Variants in KIAA1671 observed in about 807,000 individuals in gnomAD.
KIAA1671 encodes the protein KIAA1671.
A neutral mutation model predicts 131.2 loss-of-function variants in KIAA1671; 52 were observed. That is an observed-to-expected ratio of 0.40 (90% CI 0.32 to 0.50). The LOEUF (loss-of-function observed/expected upper bound fraction) is 0.50. Ranked by LOEUF, KIAA1671 falls within the 20% of genes least tolerant of loss-of-function variation. The probability of loss-of-function intolerance (pLI) is 0.73; values close to 1 mark genes in which losing one functional copy is unlikely to be tolerated. For synonymous variants in KIAA1671, 1,003 were observed against 961.6 expected (o/e 1.04, Z -0.80); for missense variants, 2,360 against 2,364.2 (o/e 1.00, Z 0.04).
chr22:24,997,459 A>G (rs1323834774), intron 1 of KIAA1671, among the ~76,000 whole-genome samples: 7 of 152,154 alleles, frequency 4.6e-5, no homozygotes, highest in African/African-American at 1.7e-4. Flanking sequence ...GCCGGTATGA[A>G]AAACAATCAT....
At chr22:25,097,928 CCT>C (rs375569421) in intron 6 of KIAA1671, among the ~76,000 whole-genome samples, 167 of 152,190 alleles carry the variant, frequency 1.1e-3, no homozygotes, top group African/African-American at 3.5e-3. Context: ...CATCTTATTC[CCT>C]CATGGTCCCC....
chr22:25,186,301 G>A (rs950081602), intron 11 of KIAA1671: 2 of 152,276 alleles, frequency 1.3e-5, no homozygotes. Context: ...AGTGGCTCAC[G>A]TCTATAGTCC....
chr22:25,038,301 T>A (rs1926725825), intron 4 of KIAA1671, among the ~76,000 whole-genome samples: 1 of 152,268 alleles, frequency 6.6e-6, no homozygotes, highest in African/African-American at 2.4e-5. Flanking sequence ...CGCGCCTGGC[T>A]GGATCTGCCT....
chr22:25,179,775 C>T (rs1346531210), intron 9 of KIAA1671, among the ~76,000 whole-genome samples: 1 of 152,148 alleles, frequency 6.6e-6, no homozygotes, highest in African/African-American at 2.4e-5. Flanking sequence ...TGATTAAATC[C>T]ACCCCTGTAT....
intron 6 of KIAA1671, among the ~76,000 whole-genome samples, chr22:25,077,494 G>A (rs2145859143): frequency 6.6e-6 from 1 of 152,308 alleles, no homozygotes; most frequent in East Asian, 1.9e-4. Context: ...CCCGCCCAGG[G>A]TCTGTGAGGC....
At chr22:25,007,926 T>A (rs557573143) in intron 1 of KIAA1671, among the ~76,000 whole-genome samples, 1 of 152,036 alleles carries the variant, frequency 6.6e-6, no homozygotes, top group Non-Finnish European at 1.5e-5. Flanking sequence ...CCAGGCACGG[T>A]GGCTCACGTC....
intron 6 of KIAA1671, among the ~76,000 whole-genome samples, chr22:25,105,670 G>A (rs1930961995): frequency 6.6e-6 from 1 of 152,166 alleles, no homozygotes; most frequent in South Asian, 2.1e-4. Flanking sequence ...TGGCTTTGTA[G>A]CTCACTTCTG....
chr22:25,073,231 C>G (rs9624718), intron 6 of KIAA1671, among the ~76,000 whole-genome samples: 1 of 151,780 alleles, frequency 6.6e-6, no homozygotes, highest in African/African-American at 2.4e-5. Flanking sequence ...TCATGCCCAG[C>G]TAATTTTTTA....
At chr22:25,044,999 AACT>A (rs1406852223) in intron 5 of KIAA1671, among the ~76,000 whole-genome samples, 382 of 152,210 alleles carry the variant, frequency 2.5e-3, no homozygotes, top group African/African-American at 8.7e-3. Context: ...TCTCTACTAA[AACT>A]ACAAAAAAAT....
rs756648848 is a variant in KIAA1671, at chr22:25,017,051, G to C, written c.-207-8582G>C. On this transcript the variant is annotated intron_variant, in intron 1 of 12. Coordinates refer to ENST00000358431, the MANE Select transcript of KIAA1671 (RefSeq NM_001145206.2). ...GTTTATGCAAAACTTCATAGAAAAG[G>C]GTGGTAACTTCTGGGTTGTCAGGTT... 1.4e-4 allele frequency among the ~76,000 whole-genome samples: 21 copies of C among 152,202 alleles called. No homozygotes were observed. The East Asian group carries it at 3.7e-3, about 27-fold the overall frequency.
rs551184845 is a variant in KIAA1671 at position 25,109,204 on chromosome 22, G to T, written c.4530+59840G>T. The stretch of plus-strand genomic sequence containing the variant: ...AGCTCACTGCAACCTCTGCCTCTCG[G>T]GTTCAAGCGATTCTCCTGCCTCAGC... On this transcript the variant is annotated intron_variant, in intron 6 of 12. Coordinates refer to ENST00000358431, the MANE Select transcript of KIAA1671 (RefSeq NM_001145206.2). Among the ~76,000 whole-genome samples, 34 of 152,064 alleles carry T rather than the reference G, an allele frequency of 2.2e-4. No homozygotes were observed. The East Asian group carries it at 3.9e-3, about 17-fold the overall frequency.
intron 12 of KIAA1671, among the ~76,000 whole-genome samples, chr22:25,191,860 A>G (rs1352106789): frequency 6.6e-6 from 1 of 152,220 alleles, no homozygotes; most frequent in Non-Finnish European, 1.5e-5. Context: ...ACCTGAGTGA[A>G]TATAATTCTA....
intron 6 of KIAA1671, among the ~76,000 whole-genome samples, chr22:25,124,756 C>A (rs1294745880): frequency 6.6e-6 from 1 of 152,144 alleles, no homozygotes; most frequent in African/African-American, 2.4e-5. Flanking sequence ...ACACTTAACA[C>A]CAAGTGTGTG....
At chr22:25,169,123 G>T (rs994121796) in intron 6 of KIAA1671, among the ~76,000 whole-genome samples, 8 of 152,120 alleles carry the variant, frequency 5.3e-5, no homozygotes, top group Non-Finnish European at 1.2e-4. Context: ...TCAAAAGACA[G>T]TGACTGGGGC....
Position 25,070,315 on chromosome 22 carries a change from G to T in KIAA1671, c.4530+20951G>T, listed in dbSNP as rs1362323217. On this transcript the variant is annotated intron_variant, in intron 6 of 12. Transcript: ENST00000358431. ...AGTGAGAAGAGCCGCTCCCGCTAGAGGAAAGCTGGAAACCGTACTGTGCTC... is the reference window on the plus strand; with the variant it reads ...AGTGAGAAGAGCCGCTCCCGCTAGATGAAAGCTGGAAACCGTACTGTGCTC... 4 of 421,940 alleles carry T rather than the reference G, an allele frequency of 9.5e-6. No individual in the cohort carries two copies. The East Asian group carries it at 1.4e-4, about 15-fold the overall frequency. The allele number at this position is 421,940 out of a possible 1,614,324, so 26.1% of individuals were successfully genotyped here. A position where few individuals can be genotyped will look rare whatever the true frequency, so the allele number is the denominator to read the frequency against.
intron 1 of KIAA1671, chr22:25,014,209 C>T (rs1045845952): frequency 3.9e-5 from 6 of 152,236 alleles, no homozygotes; most frequent in Admixed American, 6.5e-5. Context: ...ACGATGAAAG[C>T]TGTAGAAACT....
intron 6 of KIAA1671, among the ~76,000 whole-genome samples, chr22:25,116,692 A>G: frequency 6.6e-6 from 1 of 152,126 alleles, no homozygotes; most frequent in East Asian, 1.9e-4. Flanking sequence ...AAGTGCTGAG[A>G]TTACAGGTGT....
chr22:25,029,347 T>G lies in KIAA1671; in HGVS notation c.1348T>G (p.Leu450Val). ...CISLFREDST[L>V]ALAVGSESPL... is the part of the protein sequence containing the mutation. Reference sequence around the variant, plus strand: ...CAGCCTGTTTCGGGAGGACAGCACCTTGGCCTTGGCAGTGGGGTCTGAATC... The same window carrying G: ...CAGCCTGTTTCGGGAGGACAGCACCGTGGCCTTGGCAGTGGGGTCTGAATC... Residue 450 changes from leucine to valine, a missense_variant, in exon 3 of 13, where the codon TTG becomes GTG. Leu to Val is a conservative substitution (Grantham distance 32). This residue lies in a region of KIAA1671 where 1,185 missense variants were observed against 1,126.2 expected (regional missense o/e 1.05). Transcript: ENST00000358431. 6.4e-7 allele frequency: 1 copy of G among 1,550,576 alleles called. No homozygotes were observed. The highest frequency in any genetic ancestry group is 8.7e-7 in the Non-Finnish European group (1 of 1,146,418).
rs1468875662 is a variant in KIAA1671 at position 25,099,537 on chromosome 22, GTTTTTTTGTTTTTTTTTTT to G, written c.4530+50181_4530+50199del. Among the ~76,000 whole-genome samples the G allele has an allele frequency of 2.0e-3, 227 of 112,132 alleles. 8 individuals are homozygous for G. Among genetic ancestry groups the G allele is most frequent in the African/African-American group, 8.2e-3 (210 of 25,486 alleles). 73.6% of individuals were successfully genotyped at this position (112,132 alleles called of 152,430 possible). A position where few individuals can be genotyped will look rare whatever the true frequency, so the allele number is the denominator to read the frequency against. ...TATAAGTTTGTCTTTCAAAATGTGG[GTTTTTTTGTTTTTTTTTTT>G]TTTTTTTTTTTTTTTTTAGATAGAG... On this transcript the variant is annotated intron_variant, in intron 6 of 12. Coordinates refer to ENST00000358431, the MANE Select transcript of KIAA1671 (RefSeq NM_001145206.2).
Sources: allele counts gnomAD v4.1 joint callset (sites outside exome capture counted in the v4.1 genomes callset), GRCh38; gene constraint gnomAD v4.1.1; regional missense constraint gnomAD v4.1.1; transcripts MANE v1.5; gene names NCBI Gene and HGNC (gene_info 2026-07-23, HGNC 2026-07-21).